CALCR: variants seen among roughly 807,000 people sequenced by gnomAD.
The protein encoded by CALCR is calcitonin receptor.
Under a neutral mutation model 59.5 loss-of-function variants are expected in CALCR, and 47 were observed. The observed-to-expected ratio is 0.79, with a 90% confidence interval of 0.63 to 1.01. The LOEUF is 1.01. CALCR is among the 50% of genes least tolerant of loss of function. The probability of loss-of-function intolerance (pLI) is 0.00; values close to 1 mark genes in which losing one functional copy is unlikely to be tolerated. For synonymous variants in CALCR, 213 were observed against 211.3 expected (o/e 1.01, Z -0.07); for missense variants, 566 against 597.1 (o/e 0.95, Z 0.54).
intron 2 of CALCR, among the ~76,000 whole-genome samples, chr7:93,517,213 C>T (rs546860215): frequency 6.6e-6 from 1 of 150,466 alleles, no homozygotes; most frequent in Non-Finnish European, 1.5e-5. Context: ...GCACAAAGCC[C>T]AAACTTTGAA....
intron 2 of CALCR, among the ~76,000 whole-genome samples, chr7:93,527,303 G>C (rs1014037585): frequency 6.6e-6 from 1 of 151,410 alleles, no homozygotes; most frequent in African/African-American, 2.4e-5. Flanking sequence ...ATGTATATAT[G>C]ACATATAACT....
intron 2 of CALCR, among the ~76,000 whole-genome samples, chr7:93,560,585 C>A (rs531408056): frequency 7.9e-5 from 12 of 152,114 alleles, no homozygotes; most frequent in Admixed American, 3.3e-4. Context: ...TCTAATACAA[C>A]TTTTATTGGC....
intron 2 of CALCR, among the ~76,000 whole-genome samples, chr7:93,533,737 G>A (rs1166125857): frequency 6.6e-6 from 1 of 151,816 alleles, no homozygotes; most frequent in Non-Finnish European, 1.5e-5. Context: ...AAGTTAGTAG[G>A]TAAGTAGATC....
At position 93,477,547 on chromosome 7, in the gene CALCR, A is replaced by C; in HGVS notation, c.316+11T>G. The C allele has an allele frequency of 1.3e-6, 2 of 1,555,768 alleles. No homozygotes were observed. The highest frequency in any genetic ancestry group is 8.9e-7 in the Non-Finnish European group (1 of 1,129,174). ...CATAGCAAGAACATAAAATGAAAAT[A>C]AACACTCTACCTGATGGATCAAAAT... On this transcript the variant is annotated intron_variant, in intron 5 of 13. Transcript: ENST00000426151.
At chr7:93,516,686 C>T (rs1296186333) in intron 2 of CALCR, among the ~76,000 whole-genome samples, 3 of 151,798 alleles carry the variant, frequency 2.0e-5, no homozygotes, top group Non-Finnish European at 4.4e-5. Flanking sequence ...CATGTATATA[C>T]ATAAAGATTA....
At position 93,479,386 on chromosome 7, in the gene CALCR, C is replaced by T. The variant is rs144560846; in HGVS notation, c.173G>A (p.Arg58Gln). 16 of 1,611,174 alleles carry T rather than the reference C, an allele frequency of 9.9e-6. No individual in the cohort carries two copies. The highest frequency in any genetic ancestry group is 1.7e-5 in the Admixed American group (1 of 59,630). The change falls in exon 4 of 14, where the codon CGA becomes CAA. Residue 58 changes from arginine to glutamine, a missense_variant. Transcript: ENST00000426151. Reference sequence around the variant, plus strand: ...TTGGTATGCGGGTAACTGCTGCATTCGGTCATAGCATTTGTACTGTGCATC... The same window carrying T: ...TTGGTATGCGGGTAACTGCTGCATTTGGTCATAGCATTTGTACTGTGCATC... ...MMDAQYKCYD[R>Q]MQQLPAYQGE...
chr7:93,496,125 T>G (rs916009749), intron 2 of CALCR, among the ~76,000 whole-genome samples: 1 of 151,456 alleles, frequency 6.6e-6, no homozygotes, highest in Non-Finnish European at 1.5e-5. Flanking sequence ...CTGAAAATAA[T>G]GTGTCTATTC....
At chr7:93,429,903 C>T (rs1317390913) in intron 13 of CALCR, among the ~76,000 whole-genome samples, 2 of 146,780 alleles carry the variant, frequency 1.4e-5, no homozygotes, top group African/African-American at 5.0e-5. Flanking sequence ...AGTAATTGCA[C>T]ACTTTAGACG....
intron 8 of CALCR, among the ~76,000 whole-genome samples, chr7:93,449,069 C>G (rs1177907751): frequency 6.6e-6 from 1 of 151,816 alleles, no homozygotes; most frequent in African/African-American, 2.4e-5. Context: ...TAAATAGTAC[C>G]AACTCCACAA....
intron 7 of CALCR, 118 bp from the exon 8 acceptor site, chr7:93,461,065 G>T: frequency 1.2e-6 from 1 of 828,294 alleles, no homozygotes; most frequent in Non-Finnish European, 1.9e-6. Context: ...AGAACATATA[G>T]AAGAAAGTAA....
chr7:93,518,210 C>CCA (rs372575152), intron 2 of CALCR, among the ~76,000 whole-genome samples: 34 of 150,212 alleles, frequency 2.3e-4, no homozygotes, highest in Non-Finnish European at 4.3e-4. Flanking sequence ...ATTTACAAGA[C>CCA]CACACACACA....
At chr7:93,510,420 G>A (rs937849525) in intron 2 of CALCR, among the ~76,000 whole-genome samples, 4 of 152,126 alleles carry the variant, frequency 2.6e-5, no homozygotes, top group Non-Finnish European at 5.9e-5. Flanking sequence ...ATCTGATCTG[G>A]TGGGCCAGGG....
chr7:93,479,370 G>C lies in CALCR; in HGVS notation c.189C>G (p.Pro63=), dbSNP rs774703544. 15 of 1,609,584 alleles carry C rather than the reference G, an allele frequency of 9.3e-6. No homozygotes were observed. Among genetic ancestry groups the C allele is most frequent in the Non-Finnish European group, 1.3e-5 (15 of 1,177,938 alleles). ...YKCYDRMQQL[P]AYQGEGPYCN... ...TCTCTTTACCTTCTCCTTGGTATGCGGGTAACTGCTGCATTCGGTCATAGC... is the reference window on the plus strand; with the variant it reads ...TCTCTTTACCTTCTCCTTGGTATGCCGGTAACTGCTGCATTCGGTCATAGC... Residue 63 remains proline, a synonymous_variant, in exon 4 of 14, where the codon CCC becomes CCG. Transcript: ENST00000426151.
intron 2 of CALCR, among the ~76,000 whole-genome samples, chr7:93,531,723 G>A (rs1182178867): frequency 1.3e-5 from 2 of 152,058 alleles, no homozygotes; most frequent in East Asian, 3.9e-4. Context: ...AACTGTGAAC[G>A]CTACTTGTAA....
chr7:93,521,656 T>C (rs1209300400), intron 2 of CALCR, among the ~76,000 whole-genome samples: 1 of 152,076 alleles, frequency 6.6e-6, no homozygotes, highest in Non-Finnish European at 1.5e-5. Context: ...AACCATTCTT[T>C]TGTATCCATA....
At chr7:93,517,304 CT>C (rs753908420) in intron 2 of CALCR, among the ~76,000 whole-genome samples, 53 of 147,034 alleles carry the variant, frequency 3.6e-4, no homozygotes, top group Middle Eastern at 3.4e-3. Context: ...GATTTGAGAA[CT>C]TTTTTTTTTT....
At chr7:93,502,519 G>A (rs1420183527) in intron 2 of CALCR, among the ~76,000 whole-genome samples, 1 of 152,008 alleles carries the variant, frequency 6.6e-6, no homozygotes, top group Non-Finnish European at 1.5e-5. Flanking sequence ...TTCTGGCTAA[G>A]TTTCGCTGTA....
chr7:93,508,385 G>A (rs564885600), intron 2 of CALCR, among the ~76,000 whole-genome samples: 8 of 152,284 alleles, frequency 5.3e-5, no homozygotes, highest in Admixed American at 3.9e-4. Flanking sequence ...ACTCACAAAG[G>A]AGGGTGGAAC....
intron 2 of CALCR, among the ~76,000 whole-genome samples, chr7:93,524,332 G>A (rs946487738): frequency 1.3e-5 from 2 of 151,712 alleles, no homozygotes; most frequent in Non-Finnish European, 2.9e-5. Context: ...ACCACGCCCG[G>A]CTAATTTTTT....
Sources: allele counts gnomAD v4.1 joint callset (sites outside exome capture counted in the v4.1 genomes callset), GRCh38; gene constraint gnomAD v4.1.1; transcripts MANE v1.5; gene names NCBI Gene and HGNC (gene_info 2026-07-23, HGNC 2026-07-21).